The following REPS2 variants were observed in gnomAD, a reference collection of about 807,000 sequenced individuals.
The protein encoded by REPS2 is RALBP1 associated Eps domain containing 2, also known as ralBP1-associated Eps domain-containing protein 2.
In REPS2, 23 loss-of-function variants were observed where a neutral mutation model predicts 53.6. The ratio of observed to expected loss-of-function variants is 0.43; its 90% CI spans 0.31 to 0.61. REPS2 has a LOEUF of 0.61. Ranked by LOEUF, REPS2 falls within the 20% of genes least tolerant of loss-of-function variation. The pLI is 0.11. For synonymous variants in REPS2, 238 were observed against 218.6 expected (o/e 1.09, Z -0.78); for missense variants, 446 against 534.9 (o/e 0.83, Z 1.64).
chrX:17,011,057 CTGTGTGTGTGTGTGTGTGTGTGTGTG>C (rs60541913), intron 2 of REPS2, among the ~76,000 whole-genome samples: 1 of 102,495 alleles, frequency 9.8e-6, no homozygotes, highest in Non-Finnish European at 2.0e-5. Flanking sequence ...TTTGCTTAAA[CTGTGTGTGTGTGTGTGTGTGTGTGTG>C]TGTGTGTGTG....
intron 6 of REPS2, among the ~76,000 whole-genome samples, chrX:17,049,186 C>G (rs1309712486): frequency 8.9e-6 from 1 of 112,385 alleles, no homozygotes; most frequent in East Asian, 2.8e-4. Flanking sequence ...AGCCACCGCA[C>G]CTGGCCTTTT....
At chrX:16,952,725 A>G (rs762566101) in intron 1 of REPS2, among the ~76,000 whole-genome samples, 1 of 112,560 alleles carries the variant, frequency 8.9e-6, no homozygotes, top group Admixed American at 9.4e-5. Context: ...ATTATTAGGC[A>G]GAACTATTTT....
chrX:16,981,002 C>T (rs1413183880), intron 1 of REPS2, among the ~76,000 whole-genome samples: 1 of 112,295 alleles, frequency 8.9e-6, no homozygotes, highest in Non-Finnish European at 1.9e-5. Context: ...ATCTGACTTT[C>T]GTTTGAGAGT....
chrX:17,193,295 G>A, the REPS2 span, among the ~76,000 whole-genome samples: 1 of 112,077 alleles, frequency 8.9e-6, no homozygotes, highest in East Asian at 2.8e-4. Flanking sequence ...CATTGTGGTG[G>A]CTTTGTGGTT....
intron 13 of REPS2, among the ~76,000 whole-genome samples, chrX:17,097,824 A>G (rs2062725770): frequency 8.9e-6 from 1 of 112,140 alleles, no homozygotes; most frequent in Non-Finnish European, 1.9e-5. Context: ...AAATGCCTAG[A>G]AAAATATCAT....
chrX:17,194,555 A>G, the REPS2 span, among the ~76,000 whole-genome samples: 6 of 112,071 alleles, frequency 5.4e-5, no homozygotes, highest in African/African-American at 1.9e-4. Flanking sequence ...AAAACAGATT[A>G]ATGGTTGCCA....
At chrX:17,131,004 C>T (rs1048977587) in intron 14 of REPS2, among the ~76,000 whole-genome samples, 1 of 111,784 alleles carries the variant, frequency 8.9e-6, no homozygotes, top group Admixed American at 9.5e-5. Context: ...ATATAGTTAT[C>T]GTTAATGGAA....
intron 14 of REPS2, among the ~76,000 whole-genome samples, chrX:17,115,438 G>A (rs1356047928): frequency 1.8e-5 from 2 of 112,307 alleles, no homozygotes; most frequent in Non-Finnish European, 3.8e-5. Context: ...ACATACAATC[G>A]GGTTTTATAC....
chrX:17,039,668 A>G (rs1243637771), intron 5 of REPS2, among the ~76,000 whole-genome samples: 1 of 112,133 alleles, frequency 8.9e-6, no homozygotes, highest in African/African-American at 3.2e-5. Flanking sequence ...ACAGATAGAG[A>G]TAACTATAGA....
At chrX:17,056,339 T>C (rs1474278890) in intron 8 of REPS2, among the ~76,000 whole-genome samples, 1 of 112,160 alleles carries the variant, frequency 8.9e-6, no homozygotes, top group Non-Finnish European at 1.9e-5. Flanking sequence ...CACACCCGAG[T>C]GTCTCCGGGT....
At chrX:17,011,364 T>C (rs1275188967) in intron 2 of REPS2, among the ~76,000 whole-genome samples, 1 of 111,008 alleles carries the variant, frequency 9.0e-6, no homozygotes, top group East Asian at 2.8e-4. Context: ...AATCATGTGG[T>C]GAACATTTGC....
At chrX:16,959,478 ACAGTGGAGTGACC>A (rs1274989349) in intron 1 of REPS2, among the ~76,000 whole-genome samples, 12 of 111,967 alleles carry the variant, frequency 1.1e-4, no homozygotes, top group Non-Finnish European at 2.1e-4. Context: ...GAAACATACA[ACAGTGGAGTGACC>A]CTCTTGCAGA....
intron 13 of REPS2, among the ~76,000 whole-genome samples, chrX:17,087,617 C>T (rs1222266407): frequency 8.9e-6 from 1 of 111,883 alleles, no homozygotes; most frequent in Admixed American, 9.5e-5. Context: ...AGCAGTTGTT[C>T]TGACTGTATG....
At chrX:17,158,240 G>A (rs1480214577), downstream of REPS2, among the ~76,000 whole-genome samples, 1 of 112,097 alleles carries the variant, frequency 8.9e-6, no homozygotes, top group African/African-American at 3.2e-5. Flanking sequence ...AATTAAGACA[G>A]TGTAATATTG....
chrX:16,974,289 C>G (rs959825376), intron 1 of REPS2, among the ~76,000 whole-genome samples: 1 of 111,180 alleles, frequency 9.0e-6, no homozygotes, highest in African/African-American at 3.3e-5. Context: ...ATAAGCCTTT[C>G]TTTGTCTTTC....
chrX:17,011,504 G>A (rs1445865515), intron 2 of REPS2, among the ~76,000 whole-genome samples: 2 of 111,860 alleles, frequency 1.8e-5, no homozygotes, highest in African/African-American at 6.5e-5. Flanking sequence ...TTGGCAGTCT[G>A]AAGCCTGTGG....
chrX:16,969,623 G>A (rs886895118), intron 1 of REPS2, among the ~76,000 whole-genome samples: 2 of 111,193 alleles, frequency 1.8e-5, no homozygotes, highest in Admixed American at 9.4e-5. Context: ...GCACTCGGCA[G>A]GCTGAGGCAG....
chrX:17,123,136 T>C (rs1174508453), intron 14 of REPS2, among the ~76,000 whole-genome samples: 1 of 111,721 alleles, frequency 9.0e-6, no homozygotes, highest in African/African-American at 3.3e-5. Flanking sequence ...TTACTAAGGG[T>C]CTCTTTGGTT....
chrX:17,059,176 A>G (rs779658282), intron 8 of REPS2, among the ~76,000 whole-genome samples: 1 of 107,560 alleles, frequency 9.3e-6, no homozygotes, highest in Non-Finnish European at 1.9e-5. Context: ...ATGCCCGGCT[A>G]ATTTTTTGTA....
Sources: gnomAD v4.1 joint callset for allele counts (sites outside exome capture counted in the v4.1 genomes callset) on GRCh38, gnomAD v4.1.1 for gene constraint, MANE v1.5 for transcripts, NCBI Gene and HGNC (gene_info 2026-07-23, HGNC 2026-07-21) for gene names.